Variants in SCRIB observed in about 807,000 individuals in gnomAD.
SCRIB encodes the protein protein scribble homolog.
A neutral mutation model predicts 170.0 loss-of-function variants in SCRIB; 72 were observed. The observed-to-expected ratio is 0.42, with a 90% CI of 0.35 to 0.52. The LOEUF (loss-of-function observed/expected upper bound fraction) is 0.52, where lower values mean the gene tolerates loss of function less well. Ranked by LOEUF, SCRIB falls within the 20% of genes least tolerant of loss-of-function variation. The pLI is 0.02. For synonymous variants in SCRIB, 1,298 were observed against 1,044.3 expected, an observed-to-expected ratio of 1.24 and a Z score of -4.68; for missense variants, 2,475 against 2,338.5, an observed-to-expected ratio of 1.06 and a Z score of -1.20.
At position 143,803,904 on chromosome 8, in the gene SCRIB, G is replaced by T; in HGVS notation, c.3157C>A (p.Arg1053=). The T allele has an allele frequency of 6.3e-7, 1 of 1,589,374 alleles. No individual in the cohort carries two copies. Among genetic ancestry groups the T allele is most frequent in the Non-Finnish European group, 8.6e-7 (1 of 1,167,914 alleles). Residue 1053 remains arginine (R), a synonymous_variant, in exon 23 of 37, where the codon CGG becomes AGG. Coordinates refer to ENST00000356994, the MANE Select transcript of SCRIB (RefSeq NM_182706.5). The stretch of plus-strand genomic sequence containing the variant: ...ACTGCCAGGATGCGGTCCCCAACCC[G>T]CAGGCCGCTGCGAGCGGCCAGGCCC... ...PRGLAARSGL[R]VGDRILAVNG...
In SCRIB at chr8:143,813,379, A is replaced by G. The variant is rs1481409546; in HGVS notation, c.504-5T>C. ...TTGACCAGAAATGACAGGGACCTGC[A>G]GAGGAAGCAGGGTGGAGGTGTGGCC... On this transcript the variant is annotated splice_polypyrimidine_tract_variant and splice_region_variant and intron_variant, in intron 5 of 36. Coordinates refer to ENST00000356994, the MANE Select transcript of SCRIB (RefSeq NM_182706.5). 2 of 1,613,456 alleles carry G rather than the reference A, an allele frequency of 1.2e-6. No homozygotes were observed. Among genetic ancestry groups the G allele is most frequent in the African/African-American group, 2.7e-5 (2 of 74,952 alleles).
In SCRIB at chr8:143,810,953, T is replaced by C. The variant is rs1815687178; in HGVS notation, c.1226A>G (p.Lys409Arg). ...QTEDDARTGE[K>R]VLTCYLLPQQ... Reference sequence around the variant, plus strand: ...GGGCAGCAAGTAGCAGGTGAGCACCTTCTCGCCGGTCCGGGCATCATCCTC... The same window carrying C: ...GGGCAGCAAGTAGCAGGTGAGCACCCTCTCGCCGGTCCGGGCATCATCCTC... The change falls in exon 11 of 37, where the codon AAG becomes AGG. Residue 409 changes from lysine (K) to arginine (R), a missense_variant. Around this residue, in one of 3 missense-constraint regions of SCRIB, gnomAD observed 487 missense variants for 558.1 expected, o/e 0.87. Transcript: ENST00000356994. 6.2e-7 allele frequency: 1 copy of C among 1,612,062 alleles called. No individual in the cohort carries two copies.
chr8:143,796,034 T>A (rs545494392), intron 24 of SCRIB, among the ~76,000 whole-genome samples: 2 of 152,156 alleles, frequency 1.3e-5, no homozygotes, highest in Admixed American at 1.3e-4. Context: ...CAGAGCTCAA[T>A]CACCTGTCCC....
chr8:143,808,207 G>A (rs1402538278), intron 15 of SCRIB, among the ~76,000 whole-genome samples: 8 of 152,252 alleles, frequency 5.3e-5, no homozygotes, highest in African/African-American at 1.7e-4. Flanking sequence ...CCCACAAAGA[G>A]TGGGCAGCCA....
chr8:143,793,366 G>A lies in SCRIB; in HGVS notation c.3910-283C>T, dbSNP rs964724469. On this transcript the variant is annotated intron_variant, in intron 28 of 36. Coordinates refer to ENST00000356994, the MANE Select transcript of SCRIB (RefSeq NM_182706.5). ...CTAAAAAAGGCAGGTGGGGGCGGCG[G>A]GGGCAGAGGAGAGCAGGATCAGGGG... 5.7e-5 allele frequency: 21 copies of A among 370,792 alleles called. 2 individuals carry two copies. Among genetic ancestry groups the A allele is most frequent in the Admixed American group, 2.7e-4 (6 of 22,604 alleles). 23.0% of individuals were successfully genotyped at this position (370,792 alleles called of 1,614,324 possible). A position where few individuals can be genotyped will look rare whatever the true frequency, so the allele number is the denominator to read the frequency against.
rs138393547 is a variant in SCRIB, at chr8:143,806,482, G to A, written c.2271C>T (p.Gly757=). The A allele has an allele frequency of 3.1e-6, 5 of 1,592,802 alleles. No homozygotes were observed. The highest frequency in any genetic ancestry group is 4.3e-6 in the Non-Finnish European group (5 of 1,169,040). ...GSTPYKGDDE[G]IFISRVSEEG... ...CCTCGGACACCCGAGAGATGAATAT[G>A]CCCTAGGGCACAGACACGAGCTTGG... Residue 757 remains glycine (G), a splice_region_variant and synonymous_variant, in exon 18 of 37, where the codon GGC becomes GGT. Coordinates refer to ENST00000356994, the MANE Select transcript of SCRIB (RefSeq NM_182706.5).
rs774259725 is a variant in SCRIB, at chr8:143,813,419, C to T, written c.504-45G>A. Reference sequence around the variant, plus strand: ...GAGGTGTGGCCACGCAGCCCTGGTCCCTGGGCTGTGGCCCTGCCCTGGCTG... The same window carrying T: ...GAGGTGTGGCCACGCAGCCCTGGTCTCTGGGCTGTGGCCCTGCCCTGGCTG... On this transcript the variant is annotated intron_variant, in intron 5 of 36. Transcript: ENST00000356994. 3 of 1,613,118 alleles carry T rather than the reference C, an allele frequency of 1.9e-6. No individual in the cohort carries two copies. In the South Asian group the frequency reaches 3.3e-5, roughly 18 times the overall value.
chr8:143,793,868 A>ATGGGGCACACCCGTTAACT (rs1342549160), intron 28 of SCRIB, 32 bp downstream of exon 28: 17 of 1,609,074 alleles, frequency 1.1e-5, no homozygotes, highest in Non-Finnish European at 1.4e-5. Flanking sequence ...TCCACCCACC[A>ATGGGGCACACCCGTTAACT]TGGGGCACAC....
rs374302020 is a variant in SCRIB, at chr8:143,809,010, C to T, written c.1714G>A (p.Ala572Thr). The change falls in exon 15 of 37, where the codon GCA becomes ACA. Residue 572 changes from alanine (A) to threonine (T), a missense_variant. This residue lies in a region of SCRIB where 1,966 missense variants were observed against 1,742.9 expected (regional missense o/e 1.13). Coordinates refer to ENST00000356994, the MANE Select transcript of SCRIB (RefSeq NM_182706.5). ...EDYQEPTVHF[A>T]EDALLPGDDR... The stretch of plus-strand genomic sequence containing the variant: ...TCCCCGGGCAGCAGTGCGTCCTCTG[C>T]GAAATGCACCGTGGGCTGTGCGGAC... 7 of 1,611,698 alleles carry T rather than the reference C, an allele frequency of 4.3e-6. No homozygotes were observed. The highest frequency in any genetic ancestry group is 1.7e-4 in the Middle Eastern group (1 of 5,842).
At chr8:143,814,485 A>C (rs1815935778) in intron 1 of SCRIB, among the ~76,000 whole-genome samples, 1 of 152,024 alleles carries the variant, frequency 6.6e-6, no homozygotes, top group South Asian at 2.1e-4. Context: ...GCATCCTGAC[A>C]ACAAGCCTGG....
At position 143,814,046 on chromosome 8, in the gene SCRIB, C is replaced by T. The variant is rs777621121; in HGVS notation, c.232G>A (p.Val78Met). Reference protein sequence around the residue: ...DNEIQRLPPEVANFMQLVELD... With the variant: ...DNEIQRLPPEMANFMQLVELD... ...TCCACCAGCTGCATGAAGTTGGCCA[C>T]CTCGGGAGGCAACCGCTGGATCTCG... Residue 78 changes from valine to methionine, a missense_variant, in exon 2 of 37, where the codon GTG becomes ATG. Val to Met is a conservative substitution (Grantham distance 21). Transcript: ENST00000356994. The T allele has an allele frequency of 1.9e-6, 3 of 1,560,978 alleles. No individual in the cohort carries two copies. The highest frequency in any genetic ancestry group is 2.6e-6 in the Non-Finnish European group (3 of 1,152,112).
rs1386049856 is a variant in SCRIB at position 143,815,337 on chromosome 8, C to T, written c.36G>A (p.Arg12=). ...LKCIPLWRCN[R]HVESVDKRHC... ...GCCGCTTGTCCACCGACTCCACGTG[C>T]CGGTTGCAGCGCCACAGCGGGATGC... Residue 12 remains arginine (R), a synonymous_variant, in exon 1 of 37, where the codon CGG becomes CGA. Coordinates refer to ENST00000356994, the MANE Select transcript of SCRIB (RefSeq NM_182706.5). The T allele has an allele frequency of 1.9e-6, 3 of 1,555,856 alleles. No homozygotes were observed. The highest frequency in any genetic ancestry group is 1.8e-5 in the Admixed American group (1 of 54,918).
At position 143,807,010 on chromosome 8, in the gene SCRIB, T is replaced by C; in HGVS notation, c.2182A>G (p.Thr728Ala). Residue 728 changes from threonine to alanine, a missense_variant, in exon 17 of 37, where the codon ACC (threonine) becomes GCC (alanine). Physicochemically the swap from Thr to Ala is moderately conservative, Grantham distance 58. Around this residue, in one of 3 missense-constraint regions of SCRIB, gnomAD observed 1,966 missense variants for 1,742.9 expected, o/e 1.13. Transcript: ENST00000356994. ...CCAGTCTGCCGCAGGATAGTGAGGGTCAGCTGGAAACAGAACAGACAGGGT... is the reference window on the plus strand; with the variant it reads ...CCAGTCTGCCGCAGGATAGTGAGGGCCAGCTGGAAACAGAACAGACAGGGT... ...EPARIEEEEL[T>A]LTILRQTGGL... 6.8e-6 allele frequency: 11 copies of C among 1,610,242 alleles called. No homozygotes were observed. Among genetic ancestry groups the C allele is most frequent in the Non-Finnish European group, 9.3e-6 (11 of 1,178,152 alleles).
In SCRIB at chr8:143,792,024, G is replaced by A; in HGVS notation, c.4624C>T (p.Pro1542Ser). The part of the protein sequence containing the change: ...PLERLAEAPS[P>S]APTPSPTPVE... ...GGGGTGGGCGACGGGGTGGGCGCAG[G>A]GGAAGGGGCCTCGGCCAGTCGCTCC... Residue 1542 changes from proline (P) to serine (S), a missense_variant, in exon 33 of 37, where the codon CCT becomes TCT. Pro to Ser is a moderately conservative substitution (Grantham distance 74, BLOSUM62 -1). Transcript: ENST00000356994. 6.4e-7 allele frequency: 1 copy of A among 1,561,678 alleles called. No homozygotes were observed. The highest frequency in any genetic ancestry group is 8.6e-7 in the Non-Finnish European group (1 of 1,157,040).
chr8:143,793,007 G>A lies in SCRIB; in HGVS notation c.3986C>T (p.Thr1329Ile). ...QAYRAFAAVP[T>I]SHPPEDAPAQ... is the part of the protein sequence containing the mutation. ...AGGGGCATCCTCAGGCGGGTGAGAA[G>A]TGGGCACGGCCGCGAAGGCCCTGTA... Residue 1329 changes from threonine (T) to isoleucine (I), a missense_variant, in exon 29 of 37, where the codon ACT (threonine) becomes ATT (isoleucine). Coordinates refer to ENST00000356994, the MANE Select transcript of SCRIB (RefSeq NM_182706.5). 6.6e-7 allele frequency: 1 copy of A among 1,517,038 alleles called. No homozygotes were observed. Among genetic ancestry groups the A allele is most frequent in the African/African-American group, 1.4e-5 (1 of 72,018 alleles). 94.0% of individuals were successfully genotyped at this position (1,517,038 alleles called of 1,614,324 possible). A position where few individuals can be genotyped will look rare whatever the true frequency, so the allele number is the denominator to read the frequency against.
chr8:143,791,921 G>T lies in SCRIB; in HGVS notation c.4658-8C>A. 6.9e-7 allele frequency: 1 copy of T among 1,456,826 alleles called. No homozygotes were observed. The highest frequency in any genetic ancestry group is 1.5e-5 in the African/African-American group (1 of 68,196). 90.2% of individuals were successfully genotyped at this position (1,456,826 alleles called of 1,614,324 possible). ...TGGTCTGGGGGCCGAGGTCTGGGGG[G>T]ACAAGAAGCGGGCATTGGAAGCAGC... On this transcript the variant is annotated splice_polypyrimidine_tract_variant and splice_region_variant and intron_variant, in intron 33 of 36. Transcript: ENST00000356994.
In SCRIB at chr8:143,791,314, G is replaced by A. The variant is rs782382186; in HGVS notation, c.4823-6C>T. 9 of 1,578,632 alleles carry A rather than the reference G, an allele frequency of 5.7e-6. No individual in the cohort carries two copies. The highest frequency in any genetic ancestry group is 1.7e-4 in the Middle Eastern group (1 of 5,992). On this transcript the variant is annotated splice_region_variant and splice_polypyrimidine_tract_variant and intron_variant, in intron 36 of 36. Coordinates refer to ENST00000356994, the MANE Select transcript of SCRIB (RefSeq NM_182706.5). ...TCCATCCTCCTCCTGCGGGCCTGGA[G>A]GGCAGGGACAGGTGGGCAGTGAGCT...
chr8:143,808,199 C>T (rs1326513156), intron 15 of SCRIB, among the ~76,000 whole-genome samples: 2 of 152,252 alleles, frequency 1.3e-5, no homozygotes, highest in African/African-American at 4.8e-5. Context: ...CCTGGAGACC[C>T]ACAAAGAGTG....
At chr8:143,807,426 G>A (rs1210839390) in intron 16 of SCRIB, 126 bp downstream of exon 16, 11 of 828,390 alleles carry the variant, frequency 1.3e-5, no homozygotes, top group Non-Finnish European at 2.3e-5. Context: ...GAGCCCAGCT[G>A]GATCTGAGAG....
Sources: gnomAD v4.1 joint callset for allele counts (sites outside exome capture counted in the v4.1 genomes callset) on GRCh38, gnomAD v4.1.1 for gene constraint, gnomAD v4.1.1 regional missense constraint, MANE v1.5 for transcripts, NCBI Gene and HGNC (gene_info 2026-07-23, HGNC 2026-07-21) for gene names.